Variants in PCDHA12 observed in about 807,000 individuals in gnomAD.
PCDHA12 encodes protocadherin alpha 12.
A neutral mutation model predicts 60.0 loss-of-function variants in PCDHA12; 44 were observed. The ratio of observed to expected loss-of-function variants is 0.73; its 90% confidence interval spans 0.58 to 0.94. PCDHA12 has a LOEUF of 0.94. Ranked by LOEUF, PCDHA12 falls within the 40% of genes least tolerant of loss-of-function variation. PCDHA12 has a pLI of 0.00. For synonymous variants in PCDHA12, 569 were observed against 553.0 expected (o/e 1.03, Z -0.40); for missense variants, 1,276 against 1,239.7 (o/e 1.03, Z -0.44).
chr5:140,983,059 C>G (rs1325414567), intron 3 of PCDHA12, among the ~76,000 whole-genome samples: 1 of 151,980 alleles, frequency 6.6e-6, no homozygotes, highest in African/African-American at 2.4e-5. Flanking sequence ...TTATCGGAAC[C>G]AAGGCATTGT....
chr5:140,879,872 T>C (rs944464993), intron 1 of PCDHA12, among the ~76,000 whole-genome samples: 1 of 152,208 alleles, frequency 6.6e-6, no homozygotes, highest in African/African-American at 2.4e-5. Context: ...GCTTTCATGG[T>C]CACATTGCCT....
chr5:140,876,827 C>G lies in PCDHA12; in HGVS notation c.1355C>G (p.Ala452Gly). 6.2e-7 allele frequency: 1 copy of G among 1,614,182 alleles called. No individual in the cohort carries two copies. Among genetic ancestry groups the G allele is most frequent in the Non-Finnish European group, 8.5e-7 (1 of 1,180,022 alleles). The change falls in exon 1 of 4, where the codon GCG (alanine) becomes GGG (glycine). Residue 452 changes from alanine (A) to glycine (G), a missense_variant. Transcript: ENST00000398631. ...GAGGTGGCCGACGTGAACGACAATG[C>G]GCCTGCGTTCGCGCAGCCCGAGTAC... is the stretch of plus-strand genomic sequence containing the variant. ...SVEVADVNDNAPAFAQPEYTV... is the reference protein window; with the variant it reads ...SVEVADVNDNGPAFAQPEYTV...
intron 1 of PCDHA12, among the ~76,000 whole-genome samples, chr5:140,953,761 A>C (rs1016551787): frequency 6.6e-6 from 1 of 152,202 alleles, no homozygotes; most frequent in Non-Finnish European, 1.5e-5. Flanking sequence ...TCCAAGAATT[A>C]AATTTAATAT....
chr5:140,941,191 T>TTTTTTTTCTTTC (rs1554213809), intron 1 of PCDHA12, among the ~76,000 whole-genome samples: 2 of 93,204 alleles, frequency 2.1e-5, no homozygotes, highest in African/African-American at 7.9e-5. Context: ...GCTTCTTTTT[T>TTTTTTTTCTTTC]TTTCTTTCTT....
intron 1 of PCDHA12, among the ~76,000 whole-genome samples, chr5:140,965,818 A>G (rs1554227859): frequency 2.6e-5 from 4 of 152,344 alleles, no homozygotes; most frequent in African/African-American, 9.6e-5. Flanking sequence ...AGAGCATTTT[A>G]AACATTTAAA....
At chr5:140,916,279 C>T (rs2077510203) in intron 1 of PCDHA12, among the ~76,000 whole-genome samples, 1 of 152,228 alleles carries the variant, frequency 6.6e-6, no homozygotes, top group Admixed American at 6.5e-5. Context: ...TGTTGCTCTA[C>T]TCCACGTGGC....
intron 1 of PCDHA12, among the ~76,000 whole-genome samples, chr5:140,904,906 G>C (rs2071460962): frequency 6.6e-6 from 1 of 152,026 alleles, no homozygotes; most frequent in African/African-American, 2.4e-5. Context: ...TTTTCTTACT[G>C]ATTTGTTTGA....
intron 1 of PCDHA12, among the ~76,000 whole-genome samples, chr5:140,925,206 G>C (rs576558414): frequency 6.6e-6 from 1 of 152,116 alleles, no homozygotes; most frequent in African/African-American, 2.4e-5. Context: ...AATAATTATC[G>C]ATACTTTTAG....
Position 140,883,205 on chromosome 5 carries a change from A to G in PCDHA12, c.2367+5366A>G, listed in dbSNP as rs1402031440. 5 of 1,613,918 alleles carry G rather than the reference A, an allele frequency of 3.1e-6. No individual in the cohort carries two copies. In the African/African-American group the frequency reaches 6.7e-5, roughly 22 times the overall value. On this transcript the variant is annotated intron_variant, in intron 1 of 3. Transcript: ENST00000398631. Reference sequence around the variant, plus strand: ...AAAAGGCAAACTAGATTTCGAAGAAAAGAAATTATATGAAATATCCGTGGA... The same window carrying G: ...AAAAGGCAAACTAGATTTCGAAGAAGAGAAATTATATGAAATATCCGTGGA...
intron 1 of PCDHA12, chr5:140,884,558 C>T: frequency 3.7e-6 from 6 of 1,614,146 alleles, no homozygotes; most frequent in Non-Finnish European, 5.1e-6. Flanking sequence ...TGGGGAGGGC[C>T]CGCATAAGAC....
Position 141,010,040 on chromosome 5 carries a change from C to G in PCDHA12, c.*103C>G. On this transcript the variant is annotated 3_prime_UTR_variant, in exon 4 of 4. Transcript: ENST00000398631. Reference sequence around the variant, plus strand: ...CCTTTTTCCTATCTACATGAGCCCTCTTAGAGACCTCAGAAATCTGCAGAA... The same window carrying G: ...CCTTTTTCCTATCTACATGAGCCCTGTTAGAGACCTCAGAAATCTGCAGAA... 5.6e-6 allele frequency: 9 copies of G among 1,593,642 alleles called. No individual in the cohort carries two copies. The highest frequency in any genetic ancestry group is 7.7e-6 in the Non-Finnish European group (9 of 1,170,750).
At chr5:140,924,572 A>G (rs1345446158) in intron 1 of PCDHA12, among the ~76,000 whole-genome samples, 1 of 152,132 alleles carries the variant, frequency 6.6e-6, no homozygotes, top group African/African-American at 2.4e-5. Flanking sequence ...CAATTTTTAA[A>G]TGTTTTCAAA....
intron 1 of PCDHA12, among the ~76,000 whole-genome samples, chr5:140,914,309 C>A (rs1461023041): frequency 1.3e-5 from 2 of 152,082 alleles, no homozygotes; most frequent in Non-Finnish European, 2.9e-5. Flanking sequence ...TGAATTGACC[C>A]CATTATCATT....
chr5:140,879,100 T>C (rs2057854721), intron 1 of PCDHA12, among the ~76,000 whole-genome samples: 1 of 152,190 alleles, frequency 6.6e-6, no homozygotes, highest in African/African-American at 2.4e-5. Context: ...CTGCACAGTA[T>C]ATGGTGTAAT....
intron 1 of PCDHA12, among the ~76,000 whole-genome samples, chr5:140,943,674 A>G (rs1401531217): frequency 6.6e-6 from 1 of 152,240 alleles, no homozygotes; most frequent in Non-Finnish European, 1.5e-5. Context: ...TAAAGTGTGA[A>G]AAAAAGGGAT....
At chr5:140,882,592 G>T in intron 1 of PCDHA12, 1 of 1,614,272 alleles carries the variant, frequency 6.2e-7, no homozygotes, top group Non-Finnish European at 8.5e-7. Context: ...ACCTGGAGGT[G>T]ATCGTGGACA....
intron 1 of PCDHA12, among the ~76,000 whole-genome samples, chr5:140,918,416 C>A (rs2078685021): frequency 6.6e-6 from 1 of 152,110 alleles, no homozygotes; most frequent in Non-Finnish European, 1.5e-5. Flanking sequence ...GCCAGGACTT[C>A]CAGTAGGATG....
chr5:140,928,126 C>G (rs782461261), intron 1 of PCDHA12: 1 of 1,614,058 alleles, frequency 6.2e-7, no homozygotes, highest in African/African-American at 1.3e-5. Context: ...CAGTGAATAC[C>G]AAGTCCTGAT....
At chr5:140,893,612 T>C (rs1455928353) in intron 1 of PCDHA12, among the ~76,000 whole-genome samples, 1 of 152,240 alleles carries the variant, frequency 6.6e-6, no homozygotes, top group Non-Finnish European at 1.5e-5. Flanking sequence ...CCTTCATTTC[T>C]GAAGTATAGC....
Sources: gnomAD v4.1 joint callset for allele counts (sites outside exome capture counted in the v4.1 genomes callset) on GRCh38, gnomAD v4.1.1 for gene constraint, MANE v1.5 for transcripts, NCBI Gene and HGNC (gene_info 2026-07-23, HGNC 2026-07-21) for gene names.